KAT14: variants seen among roughly 807,000 people sequenced by gnomAD.
The protein encoded by KAT14 is lysine acetyltransferase 14.
Under a neutral mutation model 78.4 loss-of-function variants are expected in KAT14, and 66 were observed. The observed-to-expected ratio is 0.84, with a 90% CI of 0.69 to 1.03. The LOEUF (loss-of-function observed/expected upper bound fraction) is 1.03, where lower values mean the gene tolerates loss of function less well. KAT14 is among the 50% of genes least tolerant of loss of function. The pLI is 0.00. For missense variants in KAT14, 870 were observed against 972.5 expected, an observed-to-expected ratio of 0.89 and a Z score of 1.40; for synonymous variants, 344 against 359.4, an observed-to-expected ratio of 0.96 and a Z score of 0.48.
chr20:18,155,362 C>G (rs1015499683), intron 4 of KAT14, among the ~76,000 whole-genome samples: 1 of 151,944 alleles, frequency 6.6e-6, no homozygotes, highest in Non-Finnish European at 1.5e-5. Context: ...TTTTTTGGTG[C>G]TACCCATCCC....
chr20:18,162,555 C>T lies in KAT14; in HGVS notation c.1278C>T (p.Asp426=). The T allele has an allele frequency of 6.2e-7, 1 of 1,614,104 alleles. No homozygotes were observed. The highest frequency in any genetic ancestry group is 8.5e-7 in the Non-Finnish European group (1 of 1,180,014). Residue 426 remains aspartate, a synonymous_variant, in exon 7 of 11, where the codon GAC becomes GAT. Transcript: ENST00000688188. ...AAAAACCCGACAGGATGGATATTGA[C>T]AGTGAAGACACAGATTCAAACACAT... The part of the protein sequence containing the change: ...EEEKPDRMDI[D]SEDTDSNTSL...
At chr20:18,179,877 G>GTT (rs369185926) in intron 7 of KAT14, among the ~76,000 whole-genome samples, 2 of 150,280 alleles carry the variant, frequency 1.3e-5, no homozygotes, top group Admixed American at 6.7e-5. Flanking sequence ...TTTGTTTTTT[G>GTT]TTTTTTTTTG....
chr20:18,157,152 C>T (rs927670557), intron 4 of KAT14, among the ~76,000 whole-genome samples: 3 of 152,184 alleles, frequency 2.0e-5, no homozygotes, highest in Non-Finnish European at 2.9e-5. Context: ...AGTACGCACC[C>T]GTTTTCGACA....
intron 7 of KAT14, among the ~76,000 whole-genome samples, chr20:18,177,773 A>G (rs890924546): frequency 2.0e-5 from 3 of 152,222 alleles, no homozygotes; most frequent in Admixed American, 6.5e-5. Flanking sequence ...TTAATCTTCC[A>G]TCTGATTTCT....
chr20:18,143,255 A>G (rs2037658764), intron 2 of KAT14: 4 of 838,312 alleles, frequency 4.8e-6, no homozygotes, highest in African/African-American at 1.8e-5. Context: ...TGTTGAATTC[A>G]TGTTCAAGTT....
At chr20:18,182,975 T>C (rs1252300424) in intron 8 of KAT14, 148 bp from the exon 9 acceptor site, 1 of 1,137,136 alleles carries the variant, frequency 8.8e-7, no homozygotes, top group African/African-American at 1.6e-5. Flanking sequence ...CATAAAAGTA[T>C]AGCTGTAATC....
chr20:18,142,894 C>A lies in KAT14; in HGVS notation c.234C>A (p.Asp78Glu). 1 of 1,614,098 alleles carries A rather than the reference C, an allele frequency of 6.2e-7. No homozygotes were observed. The highest frequency in any genetic ancestry group is 8.5e-7 in the Non-Finnish European group (1 of 1,179,974). The change falls in exon 2 of 11, where the codon GAC becomes GAA. Residue 78 changes from aspartate to glutamate, a missense_variant. Physicochemically the swap from Asp to Glu is conservative, Grantham distance 45 (BLOSUM62 2). Coordinates refer to ENST00000688188, the MANE Select transcript of KAT14 (RefSeq NM_001392073.1). ...WMEEQLSYFC[D>E]KCQKWIPASQ... is the part of the protein sequence containing the mutation. The stretch of plus-strand genomic sequence containing the variant: ...AGGAGCAGCTGTCCTACTTCTGTGA[C>A]AAGTGCCAAAAATGGATACCAGCCA...
At chr20:18,183,049 A>G (rs1170120466) in intron 8 of KAT14, 74 bp from the exon 9 acceptor site, 4 of 1,531,188 alleles carry the variant, frequency 2.6e-6, no homozygotes, top group Middle Eastern at 1.8e-4. Context: ...AAGAGTTTAT[A>G]TGAGTCAAAA....
intron 4 of KAT14, among the ~76,000 whole-genome samples, chr20:18,151,654 G>T (rs993164183): frequency 6.6e-6 from 1 of 151,856 alleles, no homozygotes; most frequent in African/African-American, 2.4e-5. Flanking sequence ...GTGTTTACTT[G>T]TGGCAATTAC....
intron 5 of KAT14, among the ~76,000 whole-genome samples, chr20:18,160,873 C>A (rs982947317): frequency 6.6e-6 from 1 of 152,098 alleles, no homozygotes; most frequent in Non-Finnish European, 1.5e-5. Flanking sequence ...GCCAAATTAT[C>A]CTCCAAGAAA....
intron 10 of KAT14, 116 bp from the exon 11 acceptor site, chr20:18,187,170 C>G (rs2039475548): frequency 7.4e-7 from 1 of 1,353,666 alleles, no homozygotes; most frequent in African/African-American, 1.5e-5. Context: ...CAGCCTCAGT[C>G]TCTGATTTCT....
At chr20:18,170,826 C>T (rs1003707205) in intron 7 of KAT14, among the ~76,000 whole-genome samples, 18 of 152,178 alleles carry the variant, frequency 1.2e-4, no homozygotes, top group African/African-American at 4.3e-4. Flanking sequence ...CATGAGCCAC[C>T]GTGCCCGGCC....
At chr20:18,156,196 A>G (rs2038219741) in intron 4 of KAT14, among the ~76,000 whole-genome samples, 1 of 152,212 alleles carries the variant, frequency 6.6e-6, no homozygotes, top group Non-Finnish European at 1.5e-5. Context: ...TGAAAATCAC[A>G]GATACAGAAC....
chr20:18,183,220 G>T lies in KAT14; in HGVS notation c.1903G>T (p.Ala635Ser). 6.2e-7 allele frequency: 1 copy of T among 1,614,018 alleles called. No individual in the cohort carries two copies. ...CCCTCACTGGACGCCGGAGCCCGAC[G>T]CACCTCTCGATTACTGTTATGTGCG... The part of the protein sequence containing the change: ...SDPHWTPEPD[A>S]PLDYCYVRPN... The change falls in exon 9 of 11, where the codon GCA becomes TCA. Residue 635 changes from alanine (A) to serine (S), a missense_variant. Ala to Ser is a moderately conservative substitution (Grantham distance 99, BLOSUM62 1). Coordinates refer to ENST00000688188, the MANE Select transcript of KAT14 (RefSeq NM_001392073.1).
intron 7 of KAT14, among the ~76,000 whole-genome samples, chr20:18,165,123 C>T (rs1332628417): frequency 1.3e-5 from 2 of 152,178 alleles, no homozygotes; most frequent in Non-Finnish European, 2.9e-5. Context: ...CTCCTGTGTA[C>T]TTTCTGTTCC....
chr20:18,144,184 CTG>C (rs1230312677), intron 2 of KAT14, among the ~76,000 whole-genome samples: 3 of 152,234 alleles, frequency 2.0e-5, no homozygotes, highest in Non-Finnish European at 4.4e-5. Context: ...AATTTAGTCA[CTG>C]TTAACAAATT....
chr20:18,180,093 T>C (rs1471708182), intron 7 of KAT14, among the ~76,000 whole-genome samples: 1 of 152,118 alleles, frequency 6.6e-6, no homozygotes, highest in African/African-American at 2.4e-5. Flanking sequence ...GGTCTTGAAC[T>C]CCTAACCTCA....
In KAT14 at chr20:18,181,597, G is replaced by T; in HGVS notation, c.1669-113G>T. 3 of 1,469,064 alleles carry T rather than the reference G, an allele frequency of 2.0e-6. No homozygotes were observed. In the South Asian group the frequency reaches 3.9e-5, roughly 19 times the overall value. The allele number at this position is 1,469,064 out of a possible 1,614,324, so 91.0% of individuals were successfully genotyped here. The stretch of plus-strand genomic sequence containing the variant: ...TGTTAGCCAGGATGATCTCGATCTT[G>T]TGACCTTGTGATCCGCCTACCTCAG... On this transcript the variant is annotated intron_variant, in intron 7 of 10. Transcript: ENST00000688188.
intron 7 of KAT14, 73 bp from the exon 8 acceptor site, chr20:18,181,637 G>A (rs2039256920): frequency 1.9e-6 from 3 of 1,595,898 alleles, no homozygotes; most frequent in Admixed American, 3.4e-5. Flanking sequence ...CCAAAGTGTT[G>A]GGATTACCGG....
Sources: allele counts gnomAD v4.1 joint callset (sites outside exome capture counted in the v4.1 genomes callset), GRCh38; gene constraint gnomAD v4.1.1; transcripts MANE v1.5; gene names NCBI Gene and HGNC (gene_info 2026-07-23, HGNC 2026-07-21).